Variants in COL26A1 observed in about 807,000 individuals in gnomAD.
COL26A1 encodes the protein collagen alpha-1(XXVI) chain.
COL26A1 carries 41 observed loss-of-function variants against 59.3 expected under a neutral mutation model. The ratio of observed to expected loss-of-function variants is 0.69; its 90% CI spans 0.54 to 0.90. COL26A1 has a LOEUF of 0.90. Ranked by LOEUF, COL26A1 falls within the 40% of genes least tolerant of loss-of-function variation. The probability of loss-of-function intolerance (pLI) is 0.00; values close to 1 mark genes in which losing one functional copy is unlikely to be tolerated. For missense variants in COL26A1, 612 were observed against 602.3 expected, an observed-to-expected ratio of 1.02 and a Z score of -0.17; for synonymous variants, 266 against 256.0, an observed-to-expected ratio of 1.04 and a Z score of -0.37.
At chr7:101,482,818 G>A (rs956710408) in intron 3 of COL26A1, among the ~76,000 whole-genome samples, 11 of 152,288 alleles carry the variant, frequency 7.2e-5, no homozygotes, top group Admixed American at 4.6e-4. Context: ...TTAGCCAGGC[G>A]TGTTGGCACA....
chr7:101,378,554 GT>G (rs1240570554), intron 1 of COL26A1, among the ~76,000 whole-genome samples: 1 of 151,928 alleles, frequency 6.6e-6, no homozygotes, highest in Non-Finnish European at 1.5e-5. Context: ...TACAGACAGT[GT>G]TTCCCTATGT....
At chr7:101,395,405 A>C (rs1162005547) in intron 1 of COL26A1, among the ~76,000 whole-genome samples, 4 of 152,112 alleles carry the variant, frequency 2.6e-5, no homozygotes, top group Non-Finnish European at 5.9e-5. Flanking sequence ...GCAGCTTGTG[A>C]TGGGTTTAAT....
intron 1 of COL26A1, among the ~76,000 whole-genome samples, chr7:101,375,084 TAAA>T (rs888557943): frequency 1.3e-5 from 2 of 149,686 alleles, no homozygotes; most frequent in East Asian, 2.0e-4. Flanking sequence ...TTTAAATAAA[TAAA>T]AAAAAAGAGG....
intron 1 of COL26A1, among the ~76,000 whole-genome samples, chr7:101,380,596 T>C (rs532648015): frequency 1.7e-3 from 255 of 152,282 alleles, no homozygotes; most frequent in Non-Finnish European, 3.0e-3. Flanking sequence ...CTTTACTCTA[T>C]GGACTTGCCC....
chr7:101,426,198 C>G (rs1227878853), intron 2 of COL26A1, among the ~76,000 whole-genome samples: 2 of 152,080 alleles, frequency 1.3e-5, no homozygotes, highest in Non-Finnish European at 2.9e-5. Flanking sequence ...GGGTAGAATT[C>G]CCTGAGCGAG....
chr7:101,461,913 G>A (rs1253025896), intron 3 of COL26A1, among the ~76,000 whole-genome samples: 2 of 152,154 alleles, frequency 1.3e-5, no homozygotes, highest in South Asian at 2.1e-4. Flanking sequence ...GGGGCCATGG[G>A]GTGGGTTGAT....
At chr7:101,415,157 C>CTTTTTT (rs768628869) in intron 1 of COL26A1, among the ~76,000 whole-genome samples, 9 of 147,198 alleles carry the variant, frequency 6.1e-5, no homozygotes, top group Non-Finnish European at 4.5e-5. Flanking sequence ...AACCCCCCCC[C>CTTTTTT]TTTTTTTTTT....
At chr7:101,366,066 G>A (rs942144059) in intron 1 of COL26A1, among the ~76,000 whole-genome samples, 6 of 152,210 alleles carry the variant, frequency 3.9e-5, no homozygotes, top group Non-Finnish European at 7.3e-5. Flanking sequence ...GGTTTAGGGA[G>A]GATGTGGATG....
chr7:101,503,633 C>T (rs12531634), intron 3 of COL26A1, among the ~76,000 whole-genome samples: 13,856 of 152,294 alleles, frequency 0.091, 645 homozygotes, highest in South Asian at 0.1. Context: ...CATCCCGCCT[C>T]AGCCTCCCAA....
At chr7:101,369,869 A>G (rs532089371) in intron 1 of COL26A1, among the ~76,000 whole-genome samples, 2 of 149,866 alleles carry the variant, frequency 1.3e-5, no homozygotes, top group Admixed American at 1.3e-4. Flanking sequence ...TATTTTATTT[A>G]TTTGTTTTTT....
intron 1 of COL26A1, among the ~76,000 whole-genome samples, chr7:101,417,574 A>T (rs1177943577): frequency 1.4e-5 from 2 of 147,444 alleles, no homozygotes; most frequent in Non-Finnish European, 3.0e-5. Context: ...TATCATATCT[A>T]TGTATCTCTA....
intron 1 of COL26A1, among the ~76,000 whole-genome samples, chr7:101,387,736 T>TTATATATATATATATTTATATATATATA (rs1791615247): frequency 3.7e-5 from 4 of 106,938 alleles, no homozygotes; most frequent in African/African-American, 1.5e-4. Context: ...TTTAATATAA[T>TTATATATATATATATTTATATATATATA]TATATATATA....
intron 1 of COL26A1, among the ~76,000 whole-genome samples, chr7:101,363,825 C>G (rs976743248): frequency 6.6e-6 from 1 of 152,166 alleles, no homozygotes; most frequent in South Asian, 2.1e-4. Context: ...CTCTGCCGCT[C>G]ACCTGCGCGG....
At chr7:101,419,154 T>C (rs1792451134) in intron 1 of COL26A1, among the ~76,000 whole-genome samples, 1 of 132,322 alleles carries the variant, frequency 7.6e-6, no homozygotes, top group Non-Finnish European at 1.6e-5. Context: ...TTTCACTCTG[T>C]TGCCCAGGCT....
At chr7:101,379,984 T>C (rs1791409391) in intron 1 of COL26A1, among the ~76,000 whole-genome samples, 1 of 152,132 alleles carries the variant, frequency 6.6e-6, no homozygotes, top group East Asian at 1.9e-4. Context: ...ATTCCTTTAC[T>C]TACTTACTTT....
At chr7:101,369,411 A>G (rs925646745) in intron 1 of COL26A1, among the ~76,000 whole-genome samples, 3 of 151,018 alleles carry the variant, frequency 2.0e-5, no homozygotes, top group African/African-American at 4.9e-5. Context: ...AGTCTTAAAT[A>G]AATAAATAAA....
intron 4 of COL26A1, 86 bp from the exon 5 acceptor site, chr7:101,539,807 G>A: frequency 7.4e-7 from 1 of 1,345,260 alleles, no homozygotes; most frequent in Non-Finnish European, 1.0e-6. Context: ...GGTCTCATGG[G>A]GTGCACATGC....
At chr7:101,535,144 G>T (rs1241054054) in intron 4 of COL26A1, among the ~76,000 whole-genome samples, 2 of 152,150 alleles carry the variant, frequency 1.3e-5, no homozygotes, top group African/African-American at 4.8e-5. Context: ...ACAGGCCTGG[G>T]ATGGGAGAGA....
chr7:101,366,823 G>C lies in COL26A1; in HGVS notation c.158+3633G>C, dbSNP rs952852232. On this transcript the variant is annotated intron_variant, in intron 1 of 12. Coordinates refer to ENST00000313669, the MANE Select transcript of COL26A1 (RefSeq NM_001278563.3). ...GCCAAAAAGCAGTTTTTAATTGTTA[G>C]TTTGTTCAAATCAGGATCTAAATAA... Among the ~76,000 whole-genome samples the C allele has an allele frequency of 2.0e-4, 31 of 152,208 alleles. 1 individual carries two copies. Among genetic ancestry groups the C allele is most frequent in the Admixed American group, 2.0e-3 (30 of 15,258 alleles).
Sources: allele counts gnomAD v4.1 joint callset (sites outside exome capture counted in the v4.1 genomes callset), GRCh38; gene constraint gnomAD v4.1.1; transcripts MANE v1.5; gene names NCBI Gene and HGNC (gene_info 2026-07-23, HGNC 2026-07-21).